The following SDK2 variants were observed in gnomAD, a reference collection of about 807,000 sequenced individuals.
The protein encoded by SDK2 is protein sidekick-2.
In SDK2, 105 loss-of-function variants were observed where a neutral mutation model predicts 253.9. The observed-to-expected ratio is 0.41, with a 90% CI of 0.35 to 0.49. The LOEUF (loss-of-function observed/expected upper bound fraction) is 0.49, where lower values mean the gene tolerates loss of function less well. SDK2 is among the 20% of genes least tolerant of loss of function. The probability of loss-of-function intolerance (pLI) is 0.06; values close to 1 mark genes in which losing one functional copy is unlikely to be tolerated. For missense variants in SDK2, 2,608 were observed against 3,003.0 expected (o/e 0.87, Z 3.07); for synonymous variants, 1,249 against 1,234.9 (o/e 1.01, Z -0.24).
rs1480486774 is a variant in SDK2, at chr17:73,642,742, A to G, written c.64+1283T>C. On this transcript the variant is annotated intron_variant, in intron 1 of 44. Coordinates refer to ENST00000392650, the MANE Select transcript of SDK2 (RefSeq NM_001144952.2). This position sits in a 1 kb window ranked among gnomAD's most constrained non-coding sequence, Gnocchi z 4.7. ...AGATTTTATGATGATCATAAAAATAATAACTTTTATTACCCTACATTTATA... is the reference window on the plus strand; with the variant it reads ...AGATTTTATGATGATCATAAAAATAGTAACTTTTATTACCCTACATTTATA... Among the ~76,000 whole-genome samples the G allele has an allele frequency of 6.6e-6, 1 of 152,218 alleles. No individual in the cohort carries two copies.
chr17:73,351,769 T>G (rs1280347512), intron 41 of SDK2, among the ~76,000 whole-genome samples: 1 of 152,152 alleles, frequency 6.6e-6, no homozygotes, highest in Non-Finnish European at 1.5e-5. Context: ...GCTCTCTGTT[T>G]CGGCCTTGAA....
intron 1 of SDK2, among the ~76,000 whole-genome samples, chr17:73,622,618 G>A (rs2046147632): frequency 6.6e-6 from 1 of 152,194 alleles, no homozygotes; most frequent in Non-Finnish European, 1.5e-5. Context: ...GATTTGCAAA[G>A]GGTACGTAGA....
rs531286757 is a variant in SDK2, at chr17:73,368,292, C to T, written c.5167+115G>A. ...GACCTGGGTACCACGACCAGATCCT[C>T]AGGCGGATAAGGCAGCTGCCCCCAT... On this transcript the variant is annotated intron_variant, in intron 37 of 44. Transcript: ENST00000392650. 9.3e-6 allele frequency: 9 copies of T among 968,640 alleles called. No homozygotes were observed. In the African/African-American group the frequency reaches 1.5e-4, roughly 16 times the overall value. 60.0% of individuals were successfully genotyped at this position (968,640 alleles called of 1,614,324 possible).
intron 1 of SDK2, among the ~76,000 whole-genome samples, chr17:73,522,968 C>T (rs2145789068): frequency 6.6e-6 from 1 of 152,254 alleles, no homozygotes; most frequent in East Asian, 1.9e-4. Context: ...GAGGCCAGGC[C>T]CTGTCCCGGC....
At chr17:73,367,209 A>G (rs1489924852) in intron 37 of SDK2, among the ~76,000 whole-genome samples, 1 of 152,022 alleles carries the variant, frequency 6.6e-6, no homozygotes, top group Non-Finnish European at 1.5e-5. Context: ...GGGTTTCATC[A>G]TGTTGGCCAG....
intron 1 of SDK2, among the ~76,000 whole-genome samples, chr17:73,555,827 G>A (rs117312576): frequency 0.016 from 2,463 of 152,326 alleles, 26 homozygotes; most frequent in African/African-American, 0.031. Flanking sequence ...ACACGGGACT[G>A]AAATGCTGCA....
intron 3 of SDK2, among the ~76,000 whole-genome samples, chr17:73,470,016 A>T (rs948759047): frequency 1.2e-3 from 185 of 151,714 alleles, no homozygotes; most frequent in African/African-American, 4.1e-3. Flanking sequence ...ACACACACAC[A>T]CACACACACA....
At chr17:73,516,304 C>T (rs573919762) in intron 1 of SDK2, among the ~76,000 whole-genome samples, 12 of 152,328 alleles carry the variant, frequency 7.9e-5, no homozygotes, top group South Asian at 2.1e-4. Context: ...GTCAGGGTGC[C>T]GAGGGCCCAG....
intron 1 of SDK2, among the ~76,000 whole-genome samples, chr17:73,583,244 C>T (rs1599700366): frequency 1.3e-5 from 2 of 152,170 alleles, no homozygotes; most frequent in Non-Finnish European, 2.9e-5. Context: ...GACAGCAGAC[C>T]GTGGTTTCTT....
At chr17:73,522,788 A>T (rs1200565095) in intron 1 of SDK2, among the ~76,000 whole-genome samples, 1 of 152,246 alleles carries the variant, frequency 6.6e-6, no homozygotes, top group Non-Finnish European at 1.5e-5. Context: ...ACACAAGGAA[A>T]TTCATACTAA....
intron 36 of SDK2, among the ~76,000 whole-genome samples, chr17:73,375,685 G>C (rs2062772469): frequency 6.6e-6 from 1 of 151,984 alleles, no homozygotes; most frequent in Non-Finnish European, 1.5e-5. Context: ...GTGAAACCCT[G>C]TCTCTACTAA....
At position 73,394,248 on chromosome 17, in the gene SDK2, G is replaced by A. The variant is rs760592944; in HGVS notation, c.3669C>T (p.Val1223=). The A allele has an allele frequency of 2.7e-5, 44 of 1,601,310 alleles. No homozygotes were observed. Among genetic ancestry groups the A allele is most frequent in the Non-Finnish European group, 3.5e-5 (41 of 1,171,712 alleles). ...CGAGCCCGTTGCGATCAGCCTCGGG[G>A]ACCTCGCTCCAGCGCACCAGCATGC... ...SSSMLVRWSE[V]PEADRNGLVL... is the part of the protein sequence containing the mutation. The change falls in exon 26 of 45, where the codon GTC becomes GTT. Residue 1223 remains valine (V), a synonymous_variant. Transcript: ENST00000392650.
chr17:73,450,979 G>T (rs2063486505), intron 4 of SDK2, among the ~76,000 whole-genome samples: 2 of 152,240 alleles, frequency 1.3e-5, no homozygotes. Context: ...TTGTGTCATG[G>T]ACTGCAGTGG....
chr17:73,540,149 G>A (rs367800584), intron 1 of SDK2, among the ~76,000 whole-genome samples: 26 of 152,298 alleles, frequency 1.7e-4, no homozygotes, highest in African/African-American at 1.9e-4. Context: ...TGTGAACCAC[G>A]GTACCCAGGA....
intron 26 of SDK2, 42 bp downstream of exon 26, chr17:73,394,167 G>T (rs372615667): frequency 4.5e-5 from 57 of 1,262,690 alleles, no homozygotes; most frequent in Non-Finnish European, 6.0e-5. Context: ...AGGCTGGAGG[G>T]GCCAGTGTAG....
At chr17:73,507,740 G>T in intron 1 of SDK2, 143 bp from the exon 2 acceptor site, 1 of 847,928 alleles carries the variant, frequency 1.2e-6, no homozygotes, top group Non-Finnish European at 1.8e-6. Flanking sequence ...GGAGGGACTT[G>T]AACCTGGGTC....
chr17:73,459,478 C>A (rs535261851), intron 3 of SDK2, among the ~76,000 whole-genome samples: 1 of 152,322 alleles, frequency 6.6e-6, no homozygotes, highest in African/African-American at 2.4e-5. Flanking sequence ...GGAATGCCAC[C>A]AGAGGAAGCC....
chr17:73,627,291 A>T lies in SDK2; in HGVS notation c.64+16734T>A, dbSNP rs1468006457. Among the ~76,000 whole-genome samples the T allele has an allele frequency of 2.0e-5, 3 of 152,238 alleles. No individual in the cohort carries two copies. In the East Asian group the frequency reaches 5.8e-4, roughly 29 times the overall value. On this transcript the variant is annotated intron_variant, in intron 1 of 44. Transcript: ENST00000392650. ...GAGTCAGAATGTATTTTGTGGATTAAATGGCAGCATTTTTTTTTTCTTTCT... is the reference window on the plus strand; with the variant it reads ...GAGTCAGAATGTATTTTGTGGATTATATGGCAGCATTTTTTTTTTCTTTCT...
chr17:73,622,847 G>C (rs1028204432), intron 1 of SDK2, among the ~76,000 whole-genome samples: 3 of 152,238 alleles, frequency 2.0e-5, no homozygotes, highest in African/African-American at 7.2e-5. Context: ...TGAACTCCAA[G>C]GTCTTCATCT....
Sources: gnomAD v4.1 joint callset for allele counts (sites outside exome capture counted in the v4.1 genomes callset) on GRCh38, gnomAD v4.1.1 for gene constraint, Gnocchi (gnomAD v3.1) non-coding constraint, MANE v1.5 for transcripts, NCBI Gene and HGNC (gene_info 2026-07-23, HGNC 2026-07-21) for gene names.